The following HTR1F variants were observed in gnomAD, a reference collection of about 807,000 sequenced individuals.
HTR1F encodes 5-hydroxytryptamine (serotonin) receptor 1F, G protein-coupled.
A neutral mutation model predicts 24.0 loss-of-function variants in HTR1F; 17 were observed. The ratio of observed to expected loss-of-function variants is 0.71; its 90% CI spans 0.48 to 1.06. The LOEUF (loss-of-function observed/expected upper bound fraction) is 1.06, where lower values mean the gene tolerates loss of function less well. HTR1F is among the 50% of genes least tolerant of loss of function. The pLI, the probability that HTR1F is intolerant of heterozygous loss-of-function variation, is 0.00. For synonymous variants in HTR1F, 186 were observed against 156.8 expected, an observed-to-expected ratio of 1.19 and a Z score of -1.39; for missense variants, 391 against 427.8, an observed-to-expected ratio of 0.91 and a Z score of 0.76.
At chr3:87,884,216 A>C (rs779005519) in intron 2 of HTR1F, among the ~76,000 whole-genome samples, 1 of 152,202 alleles carries the variant, frequency 6.6e-6, no homozygotes. Flanking sequence ...AAGAATTTTC[A>C]CCCAGAATTT....
At chr3:87,927,647 T>C (rs569652809) in intron 2 of HTR1F, among the ~76,000 whole-genome samples, 6 of 152,320 alleles carry the variant, frequency 3.9e-5, no homozygotes, top group African/African-American at 1.4e-4. Flanking sequence ...ACAAATTTAT[T>C]CTGGCATATC....
intron 2 of HTR1F, among the ~76,000 whole-genome samples, chr3:87,940,939 A>G (rs1165661225): frequency 6.6e-6 from 1 of 152,184 alleles, no homozygotes; most frequent in Non-Finnish European, 1.5e-5. Context: ...AGACACTAAG[A>G]CTGCTACTGC....
intron 2 of HTR1F, among the ~76,000 whole-genome samples, chr3:87,822,642 A>T (rs1704381909): frequency 6.6e-6 from 1 of 152,098 alleles, no homozygotes; most frequent in Non-Finnish European, 1.5e-5. Context: ...TTTGAGGCAA[A>T]GTATGATTTT....
chr3:87,841,502 G>A (rs1704801496), intron 2 of HTR1F, among the ~76,000 whole-genome samples: 1 of 151,802 alleles, frequency 6.6e-6, no homozygotes, highest in African/African-American at 2.4e-5. Flanking sequence ...AGTGCAAGGG[G>A]GTTGGGAACT....
At chr3:87,961,819 TA>T (rs1705067758) in intron 2 of HTR1F, among the ~76,000 whole-genome samples, 2 of 148,926 alleles carry the variant, frequency 1.3e-5, no homozygotes, top group Non-Finnish European at 3.0e-5. Context: ...AAAAAAAGAA[TA>T]AAAGGTTTAC....
intron 2 of HTR1F, among the ~76,000 whole-genome samples, chr3:87,841,257 G>T (rs1229684060): frequency 6.6e-6 from 1 of 151,488 alleles, no homozygotes; most frequent in Non-Finnish European, 1.5e-5. Flanking sequence ...AAAATTATTT[G>T]TCAATTAAAA....
intron 2 of HTR1F, among the ~76,000 whole-genome samples, chr3:87,941,301 C>G (rs1467014014): frequency 6.6e-6 from 1 of 152,102 alleles, no homozygotes; most frequent in Non-Finnish European, 1.5e-5. Context: ...GCCAAGGAAC[C>G]CTCTTAGTTG....
At chr3:87,835,154 G>A (rs1222621198) in intron 2 of HTR1F, among the ~76,000 whole-genome samples, 2 of 152,054 alleles carry the variant, frequency 1.3e-5, no homozygotes, top group African/African-American at 2.4e-5. Context: ...TGCTCCAGAG[G>A]TTCTTGGTGT....
intron 2 of HTR1F, among the ~76,000 whole-genome samples, chr3:87,935,531 A>G (rs1283793629): frequency 6.6e-6 from 1 of 152,178 alleles, no homozygotes; most frequent in East Asian, 1.9e-4. Flanking sequence ...CTTCCGCTAA[A>G]TGAAACTGCT....
chr3:87,923,872 A>C (rs112119836), intron 2 of HTR1F, among the ~76,000 whole-genome samples: 14 of 151,990 alleles, frequency 9.2e-5, no homozygotes, highest in African/African-American at 3.4e-4. Flanking sequence ...ACCATTTTTG[A>C]AGTGCTGTTG....
intron 1 of HTR1F, among the ~76,000 whole-genome samples, chr3:87,816,320 T>C (rs1704249653): frequency 6.6e-6 from 1 of 152,160 alleles, no homozygotes; most frequent in African/African-American, 2.4e-5. Context: ...CTGACTTTTT[T>C]TACATTTTAA....
chr3:87,920,286 G>A (rs1450843344), intron 2 of HTR1F, among the ~76,000 whole-genome samples: 3 of 151,576 alleles, frequency 2.0e-5, no homozygotes, highest in Non-Finnish European at 2.9e-5. Flanking sequence ...AAAAGACTAC[G>A]AATAGGGTAA....
intron 2 of HTR1F, among the ~76,000 whole-genome samples, chr3:87,946,058 C>T (rs931814599): frequency 7.2e-5 from 11 of 152,128 alleles, no homozygotes; most frequent in Admixed American, 3.3e-4. Context: ...GGAAGAGAAC[C>T]GTGGAACCCA....
rs143392187 is a variant in HTR1F at position 87,906,511 on chromosome 3, T to C, written c.-42-84197T>C. On this transcript the variant is annotated intron_variant, in intron 2 of 2. Coordinates refer to ENST00000319595, the MANE Select transcript of HTR1F (RefSeq NM_001322209.2). ...TGCTGCCTACCAAACTAAACTGTAG[T>C]TAATGAAAATTTTTTTTTTAATTTT... Among the ~76,000 whole-genome samples, 51 of 152,204 alleles carry C rather than the reference T, an allele frequency of 3.4e-4. No homozygotes were observed. In the East Asian group the frequency reaches 8.3e-3, roughly 25 times the overall value.
intron 2 of HTR1F, among the ~76,000 whole-genome samples, chr3:87,893,366 T>A (rs915242197): frequency 1.3e-5 from 2 of 152,220 alleles, no homozygotes; most frequent in East Asian, 3.9e-4. Flanking sequence ...CACCTACAGT[T>A]ATGTGCTTAA....
rs778025355 is a variant in HTR1F at position 87,991,259 on chromosome 3, T to C, written c.510T>C (p.Asp170=). 7 of 1,614,004 alleles carry C rather than the reference T, an allele frequency of 4.3e-6. No individual in the cohort carries two copies. Among genetic ancestry groups the C allele is most frequent in the African/African-American group, 4.0e-5 (3 of 74,942 alleles). ...GGCACCAAGGAACTAGCAGAGATGA[T>C]GAATGCATCATCAAGCACGACCACA... ...FWRHQGTSRD[D]ECIIKHDHIV... Residue 170 remains aspartate (D), a synonymous_variant, in exon 3 of 3, where the codon GAT becomes GAC. Transcript: ENST00000319595.
At position 87,926,683 on chromosome 3, in the gene HTR1F, A is replaced by G. The variant is rs146446175; in HGVS notation, c.-42-64025A>G. Among the ~76,000 whole-genome samples, 235 of 152,250 alleles carry G rather than the reference A, an allele frequency of 1.5e-3. 2 individuals are homozygous for G. Among genetic ancestry groups the G allele is most frequent in the Middle Eastern group, 6.8e-3 (2 of 294 alleles). On this transcript the variant is annotated intron_variant, in intron 2 of 2. Transcript: ENST00000319595. ...CTGAAAGATCGTTTTATACTGAAAG[A>G]TCTTCAAGCTAGAAAAAAATCATTG...
rs1705874095 is a variant in HTR1F, at chr3:87,993,227, A to G, written c.*1377A>G. 1 of 166,764 alleles carries G rather than the reference A, an allele frequency of 6.0e-6. No individual in the cohort carries two copies. Among genetic ancestry groups the G allele is most frequent in the African/African-American group, 2.4e-5 (1 of 41,330 alleles). The allele number at this position is 166,764 out of a possible 1,614,324, so 10.3% of individuals were successfully genotyped here. ...GTGTGGTTAAGAGTACATTACATCA[A>G]TTTTATGTATATATAGATCTGTGAC... On this transcript the variant is annotated 3_prime_UTR_variant, in exon 3 of 3. Coordinates refer to ENST00000319595, the MANE Select transcript of HTR1F (RefSeq NM_001322209.2).
At chr3:87,975,352 A>G (rs978521382) in intron 2 of HTR1F, among the ~76,000 whole-genome samples, 3 of 152,162 alleles carry the variant, frequency 2.0e-5, no homozygotes, top group African/African-American at 7.2e-5. Flanking sequence ...TTTTTCTAAA[A>G]AAATCTTGGA....
Sources: allele counts gnomAD v4.1 joint callset (sites outside exome capture counted in the v4.1 genomes callset), GRCh38; gene constraint gnomAD v4.1.1; transcripts MANE v1.5; gene names NCBI Gene and HGNC (gene_info 2026-07-23, HGNC 2026-07-21).